SPRR2G: variants seen among roughly 807,000 people sequenced by gnomAD.
The protein encoded by SPRR2G is small proline-rich protein 2G.
Under a neutral mutation model 0.7 loss-of-function variants are expected in SPRR2G, and 1 was observed. The observed-to-expected ratio is 1.49, with a 90% CI of 0.53 to 7.06. SPRR2G has a LOEUF of 7.06. SPRR2G is among the 30% of genes most tolerant of loss of function. The pLI is 0.14. For missense variants in SPRR2G, 96 were observed against 88.5 expected (o/e 1.09, Z -0.34); for synonymous variants, 38 against 33.9 (o/e 1.12, Z -0.42).
chr1:153,194,019 C>T, the SPRR2G span, among the ~76,000 whole-genome samples: 4 of 152,134 alleles, frequency 2.6e-5, no homozygotes, highest in African/African-American at 9.7e-5. Context: ...TCGACCTGAG[C>T]TGGAACTTAA....
chr1:153,190,925 G>A, the SPRR2G span: 9 of 151,786 alleles, frequency 5.9e-5, no homozygotes, highest in East Asian at 1.7e-3. Flanking sequence ...GACTGGTCAT[G>A]TCTCTGCTCT....
At chr1:153,178,644 A>G in the SPRR2G span, among the ~76,000 whole-genome samples, 4 of 152,080 alleles carry the variant, frequency 2.6e-5, no homozygotes, top group African/African-American at 4.8e-5. Flanking sequence ...TTCTGTGACA[A>G]ATCCTCTTAA....
chr1:153,179,555 C>A, the SPRR2G span, among the ~76,000 whole-genome samples: 30 of 152,070 alleles, frequency 2.0e-4, no homozygotes, highest in Admixed American at 1.3e-3. Context: ...GGTACTCATG[C>A]CACAAACTAA....
At chr1:153,185,637 A>G in the SPRR2G span, among the ~76,000 whole-genome samples, 629 of 151,988 alleles carry the variant, frequency 4.1e-3, 10 homozygotes, top group African/African-American at 0.015. Context: ...CTAGCAGTCT[A>G]TCTATTTTGT....
chr1:153,187,803 G>C, the SPRR2G span, among the ~76,000 whole-genome samples: 1 of 152,156 alleles, frequency 6.6e-6, no homozygotes, highest in Non-Finnish European at 1.5e-5. Flanking sequence ...GGAATTTTCA[G>C]CATTTTGGGG....
chr1:153,162,393 A>G, the SPRR2G span, among the ~76,000 whole-genome samples: 1 of 152,156 alleles, frequency 6.6e-6, no homozygotes, highest in African/African-American at 2.4e-5. Context: ...TGTTTTCAGG[A>G]ATGCATGTCC....
chr1:153,149,705 T>C lies in SPRR2G; in HGVS notation c.*184A>G. ...AAGCGAGATTAGGCAGTGATCTGGCTGCTCATCTTCCAACAACATATCGGT... is the reference window on the plus strand; with the variant it reads ...AAGCGAGATTAGGCAGTGATCTGGCCGCTCATCTTCCAACAACATATCGGT... On this transcript the variant is annotated 3_prime_UTR_variant, in exon 2 of 2. Transcript: ENST00000368748. 1 of 738,630 alleles carries C rather than the reference T, an allele frequency of 1.4e-6. No homozygotes were observed. The highest frequency in any genetic ancestry group is 1.8e-5 in the South Asian group (1 of 55,764). 45.8% of individuals were successfully genotyped at this position (738,630 alleles called of 1,614,324 possible).
At chr1:153,150,630 C>T (rs1285358467) in intron 1 of SPRR2G, among the ~76,000 whole-genome samples, 1 of 152,186 alleles carries the variant, frequency 6.6e-6, no homozygotes. Flanking sequence ...TCTTGTGTCT[C>T]TCACTCTCCT....
chr1:153,195,482 C>A, the SPRR2G span, among the ~76,000 whole-genome samples: 4 of 152,166 alleles, frequency 2.6e-5, no homozygotes, highest in African/African-American at 9.7e-5. Context: ...TTGCCTCCAC[C>A]ACCACTACTG....
chr1:153,152,997 A>C (rs1356236442), upstream of SPRR2G, among the ~76,000 whole-genome samples: 1 of 152,180 alleles, frequency 6.6e-6, no homozygotes, highest in Non-Finnish European at 1.5e-5. Context: ...AAATAGCTAA[A>C]GGACAGATGA....
the SPRR2G span, among the ~76,000 whole-genome samples, chr1:153,178,197 G>A: frequency 2.6e-5 from 4 of 152,104 alleles, no homozygotes; most frequent in African/African-American, 9.7e-5. Context: ...CCTTGATAAA[G>A]TTCCATATTA....
chr1:153,179,446 T>C, the SPRR2G span, among the ~76,000 whole-genome samples: 73 of 152,244 alleles, frequency 4.8e-4, no homozygotes, highest in Non-Finnish European at 7.8e-4. Context: ...CAATATGAAG[T>C]TGTTTATAAT....
At chr1:153,202,599 G>C in the SPRR2G span, among the ~76,000 whole-genome samples, 5 of 152,102 alleles carry the variant, frequency 3.3e-5, no homozygotes, top group African/African-American at 1.2e-4. Flanking sequence ...TCTTTCTCAT[G>C]GGCACCCAGA....
the SPRR2G span, chr1:153,191,345 C>A: frequency 6.6e-6 from 1 of 152,196 alleles, no homozygotes; most frequent in Non-Finnish European, 1.5e-5. Context: ...GCACAGAGCC[C>A]AGTCTGTTGG....
the SPRR2G span, among the ~76,000 whole-genome samples, chr1:153,178,568 A>C: frequency 6.6e-6 from 1 of 152,114 alleles, no homozygotes; most frequent in Non-Finnish European, 1.5e-5. Flanking sequence ...TATTCAGATG[A>C]TATAATTTCT....
chr1:153,158,221 T>C, the SPRR2G span, among the ~76,000 whole-genome samples: 1 of 152,158 alleles, frequency 6.6e-6, no homozygotes, highest in East Asian at 1.9e-4. Flanking sequence ...AAGGCAAATT[T>C]CTTCCACCTA....
At chr1:153,181,942 G>T in the SPRR2G span, among the ~76,000 whole-genome samples, 1 of 152,014 alleles carries the variant, frequency 6.6e-6, no homozygotes, top group Non-Finnish European at 1.5e-5. Context: ...ATACTTAGTA[G>T]TGGGATTGCA....
At chr1:153,166,993 G>A in the SPRR2G span, among the ~76,000 whole-genome samples, 1 of 152,170 alleles carries the variant, frequency 6.6e-6, no homozygotes, top group African/African-American at 2.4e-5. Context: ...GAATGGAGAA[G>A]AGGGGCCGAG....
At chr1:153,171,090 G>C in the SPRR2G span, among the ~76,000 whole-genome samples, 3 of 152,132 alleles carry the variant, frequency 2.0e-5, no homozygotes. Context: ...GGCTGTTCTT[G>C]TCACTAGTGT....
Sources: gnomAD v4.1 joint callset for allele counts (sites outside exome capture counted in the v4.1 genomes callset) on GRCh38, gnomAD v4.1.1 for gene constraint, MANE v1.5 for transcripts, NCBI Gene and HGNC (gene_info 2026-07-23, HGNC 2026-07-21) for gene names.